PCDHB9: variants seen among roughly 807,000 people sequenced by gnomAD.
The protein encoded by PCDHB9 is protocadherin beta 9.
For synonymous variants in PCDHB9, 501 were observed against 439.7 expected, an observed-to-expected ratio of 1.14 and a Z score of -1.75; for missense variants, 1,072 against 995.1, an observed-to-expected ratio of 1.08 and a Z score of -1.04.
chr5:141,187,443 G>A lies in PCDHB9; in HGVS notation c.125G>A (p.Gly42Glu), dbSNP rs782024182. Residue 42 changes from glycine (G) to glutamate (E), a missense_variant, in exon 1 of 1, where the codon GGA becomes GAA. By Grantham distance (98) the Gly-to-Glu change is moderately conservative (BLOSUM62 -2). Transcript: ENST00000316105. ...TCGGTGACTGAGGAAACAGAGAAAG[G>A]ATCCTTTGTGGTCAATCTGGCAAAG... is the stretch of plus-strand genomic sequence containing the variant. ...RYSVTEETEK[G>E]SFVVNLAKDL... 25 of 1,613,892 alleles carry A rather than the reference G, an allele frequency of 1.5e-5. No individual in the cohort carries two copies. The highest frequency in any genetic ancestry group is 2.1e-5 in the Non-Finnish European group (25 of 1,179,982).
rs1753785082 is a variant in PCDHB9 at position 141,188,098 on chromosome 5, T to G, written c.780T>G (p.Leu260=). The G allele has an allele frequency of 1.2e-6, 2 of 1,613,514 alleles. No individual in the cohort carries two copies. The highest frequency in any genetic ancestry group is 1.1e-5 in the South Asian group (1 of 90,996). ...CAGAAAACAGTCCAGTAGGGTCCCT[T>G]ATTGTTAAAGTGTCTGCAGGAGATG... ...QAPENSPVGS[L]IVKVSAGDAD... is the part of the protein sequence containing the mutation. The change falls in exon 1 of 1, where the codon CTT becomes CTG. Residue 260 remains leucine (L), a synonymous_variant. Coordinates refer to ENST00000316105, the MANE Select transcript of PCDHB9 (RefSeq NM_019119.5).
At position 141,188,335 on chromosome 5, in the gene PCDHB9, T is replaced by A. The variant is rs782719071; in HGVS notation, c.1017T>A (p.Asp339Glu). ...ARCTVLIKVL[D>E]SNDNPPELII... ...GTACAGTTTTGATAAAAGTATTAGA[T>A]TCCAATGACAATCCTCCTGAACTGA... The change falls in exon 1 of 1, where the codon GAT becomes GAA. Residue 339 changes from aspartate to glutamate, a missense_variant. Asp to Glu is a conservative substitution (Grantham distance 45). Transcript: ENST00000316105. 7.4e-6 allele frequency: 12 copies of A among 1,614,000 alleles called. No homozygotes were observed. The highest frequency in any genetic ancestry group is 8.5e-6 in the Non-Finnish European group (10 of 1,180,008).
rs1753792938 is a variant in PCDHB9 at position 141,188,336 on chromosome 5, T to A, written c.1018T>A (p.Ser340Thr). The change falls in exon 1 of 1, where the codon TCC (serine) becomes ACC (threonine). Residue 340 changes from serine (S) to threonine (T), a missense_variant. Ser to Thr is a moderately conservative substitution (Grantham distance 58). Transcript: ENST00000316105. ...TACAGTTTTGATAAAAGTATTAGAT[T>A]CCAATGACAATCCTCCTGAACTGAT... ...RCTVLIKVLD[S>T]NDNPPELIIS... is the part of the protein sequence containing the mutation. The A allele has an allele frequency of 1.2e-6, 2 of 1,613,976 alleles. No homozygotes were observed. The highest frequency in any genetic ancestry group is 2.2e-5 in the South Asian group (2 of 91,082).
rs17844529 is a variant in PCDHB9 at position 141,188,902 on chromosome 5, C to G, written c.1584C>G (p.Asp528Glu). The G allele has an allele frequency of 6.5e-4, 1,052 of 1,612,396 alleles. 2 individuals carry two copies. Among genetic ancestry groups the G allele is most frequent in the African/African-American group, 3.8e-3 (288 of 75,006 alleles). The change falls in exon 1 of 1, where the codon GAC becomes GAG. Residue 528 changes from aspartate (D) to glutamate (E), a missense_variant. Asp to Glu is a conservative substitution (Grantham distance 45). Transcript: ENST00000316105. ...ACTACGAGGCCCTGCAGGCTTTCGACTTCCGCGTGGGCGCCTCAGACCGCG... is the reference window on the plus strand; with the variant it reads ...ACTACGAGGCCCTGCAGGCTTTCGAGTTCCGCGTGGGCGCCTCAGACCGCG... ...SLDYEALQAF[D>E]FRVGASDRGS...
rs1753835740 is a variant in PCDHB9 at position 141,189,336 on chromosome 5, TCCCGGAGGCGGC to T, written c.2024_2035del (p.Glu675_Pro678del). On this transcript the variant is annotated inframe_deletion, in exon 1 of 1. Coordinates refer to ENST00000316105, the MANE Select transcript of PCDHB9 (RefSeq NM_019119.5). ...GGCTTCTCCCAGCCCTACCTGCCTCTCCCGGAGGCGGCCCCGGCCCAGGCCCAGGCCGACTTG... is the reference window on the plus strand; with the variant it reads ...GGCTTCTCCCAGCCCTACCTGCCTCTCCCGGCCCAGGCCCAGGCCGACTTG... The T allele has an allele frequency of 6.2e-7, 1 of 1,611,002 alleles. No homozygotes were observed. Among genetic ancestry groups the T allele is most frequent in the Non-Finnish European group, 8.5e-7 (1 of 1,179,782 alleles).
Position 141,191,537 on chromosome 5 carries a change from G to T in PCDHB9, c.*1825G>T, listed in dbSNP as rs1753904527. Reference sequence around the variant, plus strand: ...AAGTGAAAGTAAGGAAACAGAAATTGCAAAGAGTAAATGAAAGAAAAAAAC... The same window carrying T: ...AAGTGAAAGTAAGGAAACAGAAATTTCAAAGAGTAAATGAAAGAAAAAAAC... On this transcript the variant is annotated 3_prime_UTR_variant, in exon 1 of 1. Transcript: ENST00000316105. 1 of 152,156 alleles carries T rather than the reference G, an allele frequency of 6.6e-6. No homozygotes were observed. The highest frequency in any genetic ancestry group is 1.5e-5 in the Non-Finnish European group (1 of 68,024). 9.4% of individuals were successfully genotyped at this position (152,156 alleles called of 1,614,324 possible).
At position 141,187,186 on chromosome 5, in the gene PCDHB9, G is replaced by A. The variant is rs947601300; in HGVS notation, c.-133G>A. The A allele has an allele frequency of 6.9e-6, 8 of 1,161,410 alleles. No individual in the cohort carries two copies. In the African/African-American group the frequency reaches 7.7e-5, roughly 11 times the overall value. 71.9% of individuals were successfully genotyped at this position (1,161,410 alleles called of 1,614,324 possible). A position where few individuals can be genotyped will look rare whatever the true frequency, so the allele number is the denominator to read the frequency against. On this transcript the variant is annotated 5_prime_UTR_variant, in exon 1 of 1. Coordinates refer to ENST00000316105, the MANE Select transcript of PCDHB9 (RefSeq NM_019119.5). ...ACTGAGACAGATGGGCTGAGAAGAA[G>A]AGCTGTCGAGTCCCTGATTGGGAAA... is the stretch of plus-strand genomic sequence containing the variant.
In PCDHB9 at chr5:141,189,690, A is replaced by AATCCCCAAAT. The variant is rs1753852876; in HGVS notation, c.2372_2373insATCCCCAAAT (p.Asn791LysfsTer5). On this transcript the variant is annotated frameshift_variant, in exon 1 of 1. Transcript: ENST00000316105. LOFTEE classifies it low-confidence loss of function (END_TRUNC). ...ATAGAGGAAAATTCTACTCTCCCCA[A>AATCCCCAAAT]TAGCTTTGGATTTAATTATTGAAAG... 6 of 1,588,924 alleles carry AATCCCCAAAT rather than the reference A, an allele frequency of 3.8e-6. No individual in the cohort carries two copies. The Admixed American group carries it at 5.5e-5, about 14-fold the overall frequency.
Position 141,189,144 on chromosome 5 carries a change from C to A in PCDHB9, c.1826C>A (p.Ala609Asp). 1 of 1,601,060 alleles carries A rather than the reference C, an allele frequency of 6.2e-7. No homozygotes were observed. The highest frequency in any genetic ancestry group is 1.1e-5 in the South Asian group (1 of 90,894). Residue 609 changes from alanine (A) to aspartate (D), a missense_variant, in exon 1 of 1, where the codon GCC becomes GAC. Transcript: ENST00000316105. ...NAWLSYQLLK[A>D]TEPGLFGVWA... ...TGGCTGTCGTACCAGCTGCTCAAGG[C>A]CACGGAGCCCGGGCTGTTCGGTGTG... is the stretch of plus-strand genomic sequence containing the variant.
rs17844545 is a variant in PCDHB9, at chr5:141,189,372, T to C, written c.2054T>C (p.Leu685Ser). 80 of 1,611,222 alleles carry C rather than the reference T, an allele frequency of 5.0e-5. 1 individual carries two copies. The highest frequency in any genetic ancestry group is 1.1e-4 in the East Asian group (5 of 44,736). ...GCCCCGGCCCAGGCCCAGGCCGACTTGCTCACCGTCTACCTGGTGGTGGCG... is the reference window on the plus strand; with the variant it reads ...GCCCCGGCCCAGGCCCAGGCCGACTCGCTCACCGTCTACCTGGTGGTGGCG... Reference protein sequence around the residue: ...EAAPAQAQADLLTVYLVVALA... With the variant: ...EAAPAQAQADSLTVYLVVALA... Residue 685 changes from leucine to serine, a missense_variant, in exon 1 of 1, where the codon TTG (leucine) becomes TCG (serine). By Grantham distance (145) the Leu-to-Ser change is moderately radical. Coordinates refer to ENST00000316105, the MANE Select transcript of PCDHB9 (RefSeq NM_019119.5).
Position 141,188,170 on chromosome 5 carries a change from T to C in PCDHB9, c.852T>C (p.Ala284=), listed in dbSNP as rs782379564. The change falls in exon 1 of 1, where the codon GCT becomes GCC. Residue 284 remains alanine, a synonymous_variant. Transcript: ENST00000316105. The stretch of plus-strand genomic sequence containing the variant: ...AAGTATCCTATTCATTTTTTGATGC[T>C]TCTGAAGATATTTTAACAACGTTTC... The part of the protein sequence containing the change: ...NAEVSYSFFD[A]SEDILTTFQI... 4.3e-6 allele frequency: 7 copies of C among 1,610,432 alleles called. No individual in the cohort carries two copies. The highest frequency in any genetic ancestry group is 2.2e-5 in the South Asian group (2 of 90,722).
chr5:141,187,882 C>T lies in PCDHB9; in HGVS notation c.564C>T (p.Gly188=), dbSNP rs782056492. Residue 188 remains glycine (G), a synonymous_variant, in exon 1 of 1, where the codon GGC becomes GGT. Transcript: ENST00000316105. ...FHIKISGSDE[G]MIYPELVLDK... ...TTAAAATTAGTGGCAGTGATGAAGGCATGATATATCCAGAGCTAGTGTTGG... is the reference window on the plus strand; with the variant it reads ...TTAAAATTAGTGGCAGTGATGAAGGTATGATATATCCAGAGCTAGTGTTGG... 1.2e-6 allele frequency: 2 copies of T among 1,614,050 alleles called. No individual in the cohort carries two copies. Among genetic ancestry groups the T allele is most frequent in the Non-Finnish European group, 8.5e-7 (1 of 1,180,044 alleles).
chr5:141,187,246 T>C lies in PCDHB9; in HGVS notation c.-73T>C. 1 of 1,460,284 alleles carries C rather than the reference T, an allele frequency of 6.8e-7. No individual in the cohort carries two copies. Among genetic ancestry groups the C allele is most frequent in the Non-Finnish European group, 9.3e-7 (1 of 1,070,064 alleles). The allele number at this position is 1,460,284 out of a possible 1,614,324, so 90.5% of individuals were successfully genotyped here. A position where few individuals can be genotyped will look rare whatever the true frequency, so the allele number is the denominator to read the frequency against. On this transcript the variant is annotated 5_prime_UTR_variant, in exon 1 of 1. Transcript: ENST00000316105. ...AAAAACCCTAGATCTCTGGTACACA[T>C]AAGTCTGGGTTTGCGATTGCTATTT...
rs370574209 is a variant in PCDHB9 at position 141,188,540 on chromosome 5, G to A, written c.1222G>A (p.Ala408Thr). The part of the protein sequence containing the change: ...DNFYILMTEG[A>T]LDRESKAEYN... Reference sequence around the variant, plus strand: ...TTTTTACATCCTAATGACTGAAGGTGCACTGGACAGAGAGAGCAAAGCTGA... The same window carrying A: ...TTTTTACATCCTAATGACTGAAGGTACACTGGACAGAGAGAGCAAAGCTGA... The change falls in exon 1 of 1, where the codon GCA becomes ACA. Residue 408 changes from alanine (A) to threonine (T), a missense_variant. Coordinates refer to ENST00000316105, the MANE Select transcript of PCDHB9 (RefSeq NM_019119.5). 95 of 1,614,066 alleles carry A rather than the reference G, an allele frequency of 5.9e-5. No homozygotes were observed. The highest frequency in any genetic ancestry group is 7.3e-5 in the Non-Finnish European group (86 of 1,180,042).
In PCDHB9 at chr5:141,190,971, G is replaced by GAGGC. The variant is rs1753890312; in HGVS notation, c.*1263_*1266dup. On this transcript the variant is annotated 3_prime_UTR_variant, in exon 1 of 1. Coordinates refer to ENST00000316105, the MANE Select transcript of PCDHB9 (RefSeq NM_019119.5). Reference sequence around the variant, plus strand: ...GCTTCTTTCTAGATATAAGGTCTTTGAGGCAGGGCTCAGTGGCTCATTCCT... The same window carrying GAGGC: ...GCTTCTTTCTAGATATAAGGTCTTTGAGGCAGGCAGGGCTCAGTGGCTCATTCCT... The GAGGC allele has an allele frequency of 6.6e-6, 1 of 152,072 alleles. No homozygotes were observed. Among genetic ancestry groups the GAGGC allele is most frequent in the South Asian group, 2.1e-4 (1 of 4,828 alleles). 9.4% of individuals were successfully genotyped at this position (152,072 alleles called of 1,614,324 possible). A position where few individuals can be genotyped will look rare whatever the true frequency, so the allele number is the denominator to read the frequency against.
Position 141,187,309 on chromosome 5 carries a change from A to G in PCDHB9, c.-10A>G, listed in dbSNP as rs1554282754. On this transcript the variant is annotated 5_prime_UTR_variant, in exon 1 of 1. Transcript: ENST00000316105. ...TGTGATTGAGACTGACATTGAGGAA[A>G]GAAGCAGCTATGAAGACCAGGGGGT... 6.2e-7 allele frequency: 1 copy of G among 1,610,018 alleles called. No individual in the cohort carries two copies. The highest frequency in any genetic ancestry group is 1.7e-5 in the Admixed American group (1 of 59,514).
Position 141,187,935 on chromosome 5 carries a change from A to G in PCDHB9, c.617A>G (p.Glu206Gly), listed in dbSNP as rs199587752. 6.6e-5 allele frequency: 107 copies of G among 1,614,160 alleles called. 1 individual carries two copies. The highest frequency in any genetic ancestry group is 3.3e-4 in the East Asian group (15 of 44,880). The change falls in exon 1 of 1, where the codon GAA (glutamate) becomes GGA (glycine). Residue 206 changes from glutamate to glycine, a missense_variant. Transcript: ENST00000316105. Reference protein sequence around the residue: ...LDKALDREEQEELSLTLTALD... With the variant: ...LDKALDREEQGELSLTLTALD... ...AAAGCACTGGATCGGGAGGAGCAGG[A>G]AGAGCTCAGCTTAACCCTCACAGCG... is the stretch of plus-strand genomic sequence containing the variant.
rs1753826313 is a variant in PCDHB9, at chr5:141,189,153, C to T, written c.1835C>T (p.Pro612Leu). Residue 612 changes from proline to leucine, a missense_variant, in exon 1 of 1, where the codon CCC becomes CTC. Pro to Leu is a moderately conservative substitution (Grantham distance 98, BLOSUM62 -3). Transcript: ENST00000316105. ...TACCAGCTGCTCAAGGCCACGGAGC[C>T]CGGGCTGTTCGGTGTGTGGGCGCAC... ...LSYQLLKATE[P>L]GLFGVWAHNG... 2.5e-6 allele frequency: 4 copies of T among 1,601,336 alleles called. No individual in the cohort carries two copies. Among genetic ancestry groups the T allele is most frequent in the South Asian group, 2.2e-5 (2 of 90,896 alleles).
Position 141,189,106 on chromosome 5 carries a change from G to C in PCDHB9, c.1788G>C (p.Ser596=). 6.2e-7 allele frequency: 1 copy of C among 1,601,732 alleles called. No individual in the cohort carries two copies. Among genetic ancestry groups the C allele is most frequent in the South Asian group, 1.1e-5 (1 of 90,860 alleles). The change falls in exon 1 of 1, where the codon TCG becomes TCC. Residue 596 remains serine (S), a synonymous_variant. Transcript: ENST00000316105. ...VTKVVAVDGD[S]GQNAWLSYQL... is the part of the protein sequence containing the mutation. ...AGGTGGTGGCGGTGGACGGCGACTC[G>C]GGCCAGAACGCCTGGCTGTCGTACC...
Sources: allele counts gnomAD v4.1 joint callset, GRCh38; gene constraint gnomAD v4.1.1; transcripts MANE v1.5; gene names NCBI Gene and HGNC (gene_info 2026-07-23, HGNC 2026-07-21).